The following ARHGEF3 variants were observed in gnomAD, a reference collection of about 807,000 sequenced individuals.
The protein encoded by ARHGEF3 is Rho guanine nucleotide exchange factor 3, also known as 59.8 kDA protein.
ARHGEF3 carries 28 observed loss-of-function variants against 63.2 expected under a neutral mutation model. The observed-to-expected ratio is 0.44, with a 90% CI of 0.33 to 0.61. ARHGEF3 has a LOEUF of 0.61. Ranked by LOEUF, ARHGEF3 falls within the 20% of genes least tolerant of loss-of-function variation. The probability of loss-of-function intolerance (pLI) is 0.03; values close to 1 mark genes in which losing one functional copy is unlikely to be tolerated. For missense variants in ARHGEF3, 533 were observed against 659.3 expected, an observed-to-expected ratio of 0.81 and a Z score of 2.10; for synonymous variants, 266 against 254.2, an observed-to-expected ratio of 1.05 and a Z score of -0.44.
chr3:56,773,432 A>G (rs1411767892), intron 2 of ARHGEF3, among the ~76,000 whole-genome samples: 1 of 152,130 alleles, frequency 6.6e-6, no homozygotes, highest in East Asian at 1.9e-4. Context: ...ATATTTTAGG[A>G]AAAAAATCGC....
At chr3:56,929,621 A>G (rs1172595331) in intron 3 of ARHGEF3, among the ~76,000 whole-genome samples, 1 of 152,154 alleles carries the variant, frequency 6.6e-6, no homozygotes, top group Non-Finnish European at 1.5e-5. Context: ...GGGGACATGG[A>G]ATGACTTAAG....
In ARHGEF3 at chr3:56,801,684, G is replaced by A. The variant is rs569391070; in HGVS notation, c.96+19C>T. On this transcript the variant is annotated intron_variant, in intron 1 of 9. Coordinates refer to ENST00000296315, the MANE Select transcript of ARHGEF3 (RefSeq NM_019555.3). ...AGGCAGATGACCCATAGAGGTCCAG[G>A]TGCAGGGCGCGGCCCTACCTCAGCG... 5.8e-6 allele frequency: 9 copies of A among 1,552,858 alleles called. No homozygotes were observed. In the South Asian group the frequency reaches 1.1e-4, roughly 18 times the overall value.
intron 1 of ARHGEF3, among the ~76,000 whole-genome samples, chr3:56,794,774 T>C (rs2037263959): frequency 6.6e-6 from 1 of 152,232 alleles, no homozygotes; most frequent in Admixed American, 6.5e-5. Flanking sequence ...ACAATGTAAG[T>C]GATAATCGTT....
At chr3:57,061,365 A>G (rs1164926672) in intron 1 of ARHGEF3, among the ~76,000 whole-genome samples, 2 of 152,172 alleles carry the variant, frequency 1.3e-5, no homozygotes, top group East Asian at 1.9e-4. Flanking sequence ...TGGCACGATC[A>G]TAACTCACTG....
chr3:56,864,815 G>C (rs1330993029), intron 4 of ARHGEF3, among the ~76,000 whole-genome samples: 2 of 152,160 alleles, frequency 1.3e-5, no homozygotes, highest in African/African-American at 4.8e-5. Flanking sequence ...ACCTTCCTCA[G>C]AGAGTGTCTT....
At chr3:56,921,471 C>T (rs1330151332) in intron 3 of ARHGEF3, among the ~76,000 whole-genome samples, 2 of 152,126 alleles carry the variant, frequency 1.3e-5, no homozygotes, top group African/African-American at 4.8e-5. Context: ...AGGCATAAAG[C>T]ACAGCAAGCC....
At chr3:56,843,893 G>A (rs1012086409) in intron 4 of ARHGEF3, among the ~76,000 whole-genome samples, 1 of 152,140 alleles carries the variant, frequency 6.6e-6, no homozygotes, top group Non-Finnish European at 1.5e-5. Flanking sequence ...CATTAGTTCT[G>A]TAATTCCCAG....
chr3:56,731,013 TTGTTATGAGGAA>T (rs1249055832), intron 9 of ARHGEF3, among the ~76,000 whole-genome samples: 1 of 152,252 alleles, frequency 6.6e-6, no homozygotes, highest in Non-Finnish European at 1.5e-5. Flanking sequence ...CTTTATATGG[TTGTTATGAGGAA>T]TAAATGTAAT....
chr3:57,060,074 C>T (rs960060857), intron 1 of ARHGEF3, among the ~76,000 whole-genome samples: 1 of 152,168 alleles, frequency 6.6e-6, no homozygotes, highest in Non-Finnish European at 1.5e-5. Flanking sequence ...AATCCCAGCA[C>T]TTTGGGAGGC....
Position 56,835,844 on chromosome 3 carries a change from C to T in ARHGEF3, c.192+46448G>A, listed in dbSNP as rs1446057506. Among the ~76,000 whole-genome samples, 4 of 152,138 alleles carry T rather than the reference C, an allele frequency of 2.6e-5. No individual in the cohort carries two copies. The East Asian group carries it at 5.8e-4, about 22-fold the overall frequency. ...TGAGTCACCCATGGTTCACCCCTGA[C>T]CTCTGGGGAAAAAAGAATACAAAAA... On this transcript the variant is annotated intron_variant, in intron 4 of 12. Transcript: ENST00000338458.
At position 57,024,709 on chromosome 3, in the gene ARHGEF3, G is replaced by A. The variant is rs191878463; in HGVS notation, c.62+10379C>T. Among the ~76,000 whole-genome samples the A allele has an allele frequency of 1.6e-3, 244 of 152,206 alleles. 1 individual carries two copies. Among genetic ancestry groups the A allele is most frequent in the Non-Finnish European group, 2.6e-3 (179 of 68,014 alleles). On this transcript the variant is annotated intron_variant, in intron 2 of 12. Coordinates refer to the ARHGEF3 transcript ENST00000338458. ...TCACCACGTCAGCCAGGATGGTCTC[G>A]ATCTCCTGACCTCATGATCCGCCCG...
intron 3 of ARHGEF3, among the ~76,000 whole-genome samples, chr3:56,907,335 C>T (rs542407906): frequency 1.3e-5 from 2 of 152,154 alleles, no homozygotes; most frequent in South Asian, 4.2e-4. Flanking sequence ...GCTATGGAGG[C>T]CCGATTTTAG....
intron 1 of ARHGEF3, among the ~76,000 whole-genome samples, chr3:57,069,376 A>ACACAC (rs1705749598): frequency 1.4e-5 from 2 of 146,470 alleles, no homozygotes; most frequent in African/African-American, 5.0e-5. Context: ...CTGTCTCTCA[A>ACACAC]ACACACACAC....
chr3:56,853,660 T>C (rs2039757178), intron 4 of ARHGEF3, among the ~76,000 whole-genome samples: 1 of 152,176 alleles, frequency 6.6e-6, no homozygotes, highest in South Asian at 2.1e-4. Context: ...ACTATGTTGC[T>C]CAATGTTAAG....
chr3:56,737,410 C>T, intron 7 of ARHGEF3, 55 bp from the exon 8 acceptor site: 1 of 1,481,916 alleles, frequency 6.7e-7, no homozygotes, highest in East Asian at 2.3e-5. Flanking sequence ...ACCATTCACA[C>T]CAAGTCTTAG....
In ARHGEF3 at chr3:56,770,974, G is replaced by A. The variant is rs544305378; in HGVS notation, c.204+2735C>T. The stretch of plus-strand genomic sequence containing the variant: ...TAAAAATACAAAAAATTAGCCAGGC[G>A]TGGTGGTGGGTGACTGTAATCCCAG... On this transcript the variant is annotated intron_variant, in intron 2 of 9. Coordinates refer to ENST00000296315, the MANE Select transcript of ARHGEF3 (RefSeq NM_019555.3). 1.1e-4 allele frequency among the ~76,000 whole-genome samples: 16 copies of A among 152,150 alleles called. No homozygotes were observed. In the East Asian group the frequency reaches 2.1e-3, roughly 20 times the overall value.
At position 57,037,819 on chromosome 3, in the gene ARHGEF3, G is replaced by C. The variant is rs1265711200; in HGVS notation, c.-27-2643C>G. On this transcript the variant is annotated intron_variant, in intron 1 of 12. Transcript: ENST00000338458. ...GAACCCGGGAGGCGGAGCTTGCAGT[G>C]AGCCAAGATTGTGCCACTGCACTCC... 1.3e-5 allele frequency among the ~76,000 whole-genome samples: 2 copies of C among 152,298 alleles called. 1 individual carries two copies. Among genetic ancestry groups the C allele is most frequent in the Middle Eastern group, 6.8e-3 (2 of 294 alleles).
chr3:56,737,070 T>C, intron 8 of ARHGEF3, 115 bp downstream of exon 8: 4 of 1,181,030 alleles, frequency 3.4e-6, no homozygotes, highest in South Asian at 2.1e-5. Context: ...CGAGACTCCA[T>C]CTCAAAAAAG....
chr3:56,897,790 C>G (rs1291401615), intron 3 of ARHGEF3, among the ~76,000 whole-genome samples: 2 of 152,104 alleles, frequency 1.3e-5, no homozygotes, highest in African/African-American at 4.8e-5. Flanking sequence ...TGGTCTCGAT[C>G]TCTTGACCTC....
Sources: allele counts gnomAD v4.1 joint callset (sites outside exome capture counted in the v4.1 genomes callset), GRCh38; gene constraint gnomAD v4.1.1; transcripts MANE v1.5; gene names NCBI Gene and HGNC (gene_info 2026-07-23, HGNC 2026-07-21).